Variants in RASGRF2 observed in about 807,000 individuals in gnomAD.
The protein encoded by RASGRF2 is Ras protein specific guanine nucleotide releasing factor 2, also known as ras-specific guanine nucleotide-releasing factor 2.
In RASGRF2, 76 loss-of-function variants were observed where a neutral mutation model predicts 151.0. That is an observed-to-expected ratio of 0.50 (90% CI 0.42 to 0.61). The LOEUF is 0.61. Ranked by LOEUF, RASGRF2 falls within the 20% of genes least tolerant of loss-of-function variation. The pLI, the probability that RASGRF2 is intolerant of heterozygous loss-of-function variation, is 0.00. For synonymous variants in RASGRF2, 504 were observed against 566.5 expected (o/e 0.89, Z 1.57); for missense variants, 1,148 against 1,564.6 (o/e 0.73, Z 4.49).
chr5:81,021,897 AC>A (rs997802004), intron 1 of RASGRF2, among the ~76,000 whole-genome samples: 3 of 152,142 alleles, frequency 2.0e-5, no homozygotes, highest in African/African-American at 7.2e-5. Context: ...TATGGGGATC[AC>A]TGATTGGTCA....
At chr5:81,219,582 C>T in intron 25 of RASGRF2, 128 bp from the exon 26 acceptor site, 1 of 673,976 alleles carries the variant, frequency 1.5e-6, no homozygotes. Context: ...CAGGCAGGCT[C>T]CACCCGCCTC....
At chr5:81,039,221 T>C (rs890484028) in intron 1 of RASGRF2, among the ~76,000 whole-genome samples, 9 of 152,298 alleles carry the variant, frequency 5.9e-5, no homozygotes, top group African/African-American at 2.2e-4. Flanking sequence ...TATTTTACTG[T>C]ATTTTGATTT....
At chr5:81,057,302 T>G (rs1320958080) in intron 2 of RASGRF2, among the ~76,000 whole-genome samples, 2 of 152,080 alleles carry the variant, frequency 1.3e-5, no homozygotes, top group Admixed American at 1.3e-4. Flanking sequence ...GCTGTGACAT[T>G]TCATTTGGGT....
chr5:81,109,682 G>A (rs1239243410), intron 13 of RASGRF2, among the ~76,000 whole-genome samples: 1 of 152,030 alleles, frequency 6.6e-6, no homozygotes, highest in African/African-American at 2.4e-5. Context: ...AAATACCAAC[G>A]AAGACTTCAG....
At chr5:81,134,079 C>CATGTGTGT (rs1554036796) in intron 17 of RASGRF2, among the ~76,000 whole-genome samples, 1 of 143,702 alleles carries the variant, frequency 7.0e-6, no homozygotes, top group African/African-American at 2.6e-5. Flanking sequence ...TGCTTGTGTG[C>CATGTGTGT]GTGTGTGTGT....
At chr5:81,223,105 C>T (rs1030798741) in intron 26 of RASGRF2, among the ~76,000 whole-genome samples, 3 of 152,150 alleles carry the variant, frequency 2.0e-5, no homozygotes, top group Non-Finnish European at 4.4e-5. Flanking sequence ...AAAGTTGTAT[C>T]ATATTCATGG....
intron 6 of RASGRF2, 77 bp downstream of exon 6, chr5:81,080,277 C>T: frequency 6.4e-7 from 1 of 1,552,306 alleles, no homozygotes; most frequent in Non-Finnish European, 8.6e-7. Flanking sequence ...CAACATTATT[C>T]AGCCTAAACT....
At chr5:81,133,050 G>A (rs1037951953) in intron 17 of RASGRF2, among the ~76,000 whole-genome samples, 4 of 152,006 alleles carry the variant, frequency 2.6e-5, no homozygotes, top group Admixed American at 2.6e-4. Flanking sequence ...TGAGGGTGGG[G>A]GCATCAGTGA....
At chr5:81,141,221 G>T (rs912636286) in intron 17 of RASGRF2, among the ~76,000 whole-genome samples, 6 of 152,134 alleles carry the variant, frequency 3.9e-5, no homozygotes, top group Non-Finnish European at 5.9e-5. Flanking sequence ...CTAAATATTA[G>T]CAGTAAACTC....
intron 17 of RASGRF2, among the ~76,000 whole-genome samples, chr5:81,141,925 A>G: frequency 6.6e-6 from 1 of 152,182 alleles, no homozygotes; most frequent in South Asian, 2.1e-4. Flanking sequence ...ATTTGCAGTG[A>G]GATATTGATT....
chr5:81,059,591 A>C (rs1358335529), intron 2 of RASGRF2, among the ~76,000 whole-genome samples: 2 of 151,990 alleles, frequency 1.3e-5, no homozygotes, highest in Non-Finnish European at 2.9e-5. Context: ...TCACACCTGT[A>C]ATCCCAGCAC....
chr5:81,151,145 C>A (rs1328307170), intron 17 of RASGRF2, among the ~76,000 whole-genome samples: 1 of 152,176 alleles, frequency 6.6e-6, no homozygotes, highest in Non-Finnish European at 1.5e-5. Context: ...TTAGGTGTCA[C>A]AAGATATCTG....
rs1751842002 is a variant in RASGRF2, at chr5:81,073,448, A to G, written c.883A>G (p.Asn295Asp). Reference sequence around the variant, plus strand: ...CGACGACGTCAGCAGTATTTTTCTTAACAGGTTTGACATTGCATAAATCAA... The same window carrying G: ...CGACGACGTCAGCAGTATTTTTCTTGACAGGTTTGACATTGCATAAATCAA... ...SHDDVSSIFLNSETIMFLHEI... is the reference protein window; with the variant it reads ...SHDDVSSIFLDSETIMFLHEI... The change falls in exon 5 of 27, where the codon AAC becomes GAC. Residue 295 changes from asparagine (N) to aspartate (D), a missense_variant. By Grantham distance (23) the Asn-to-Asp change is conservative (BLOSUM62 1). Coordinates refer to ENST00000265080, the MANE Select transcript of RASGRF2 (RefSeq NM_006909.3). 6.2e-7 allele frequency: 1 copy of G among 1,613,770 alleles called. No homozygotes were observed. The highest frequency in any genetic ancestry group is 8.5e-7 in the Non-Finnish European group (1 of 1,179,920).
At chr5:81,141,944 T>A (rs1386114225) in intron 17 of RASGRF2, among the ~76,000 whole-genome samples, 2 of 152,244 alleles carry the variant, frequency 1.3e-5, no homozygotes, top group Non-Finnish European at 2.9e-5. Flanking sequence ...TTACTGTGAA[T>A]TAAGTTGATG....
intron 1 of RASGRF2, among the ~76,000 whole-genome samples, chr5:80,975,822 A>G (rs925088417): frequency 1.3e-5 from 2 of 150,008 alleles, no homozygotes; most frequent in African/African-American, 4.9e-5. Flanking sequence ...TGTATATTTT[A>G]GTTGATGAAC....
chr5:81,164,217 A>T (rs1391919685), intron 17 of RASGRF2, among the ~76,000 whole-genome samples: 4 of 152,188 alleles, frequency 2.6e-5, no homozygotes, highest in African/African-American at 9.7e-5. Flanking sequence ...CTGAAGAGTA[A>T]GACAGAGCTG....
At chr5:81,101,295 C>T (rs937297534) in intron 12 of RASGRF2, among the ~76,000 whole-genome samples, 1 of 152,156 alleles carries the variant, frequency 6.6e-6, no homozygotes, top group African/African-American at 2.4e-5. Context: ...TTTACCACAC[C>T]TTCCTCTGTA....
chr5:80,967,581 G>T (rs1747763470), intron 1 of RASGRF2, among the ~76,000 whole-genome samples: 1 of 152,134 alleles, frequency 6.6e-6, no homozygotes, highest in Non-Finnish European at 1.5e-5. Context: ...TCAGGGTACT[G>T]AAGTGTTTCA....
intron 17 of RASGRF2, among the ~76,000 whole-genome samples, chr5:81,145,200 G>A (rs530402834): frequency 7.9e-5 from 12 of 152,192 alleles, no homozygotes; most frequent in African/African-American, 2.9e-4. Flanking sequence ...TTGCACTCCA[G>A]CCTGGGCAAC....
Sources: allele counts gnomAD v4.1 joint callset (sites outside exome capture counted in the v4.1 genomes callset), GRCh38; gene constraint gnomAD v4.1.1; transcripts MANE v1.5; gene names NCBI Gene and HGNC (gene_info 2026-07-23, HGNC 2026-07-21).